PTPRG: variants seen among roughly 807,000 people sequenced by gnomAD.
PTPRG encodes protein tyrosine phosphatase receptor type G, also known as receptor-type tyrosine-protein phosphatase gamma.
Under a neutral mutation model 165.3 loss-of-function variants are expected in PTPRG, and 102 were observed. The observed-to-expected ratio is 0.62, with a 90% CI of 0.53 to 0.73. The LOEUF (loss-of-function observed/expected upper bound fraction) is 0.73, where lower values mean the gene tolerates loss of function less well. PTPRG is among the 30% of genes least tolerant of loss of function. The pLI is 0.00. For missense variants in PTPRG, 1,866 were observed against 1,861.4 expected, an observed-to-expected ratio of 1.00 and a Z score of -0.05; for synonymous variants, 675 against 669.5, an observed-to-expected ratio of 1.01 and a Z score of -0.13.
chr3:62,001,671 AATG>A (rs1315535832), intron 3 of PTPRG, among the ~76,000 whole-genome samples: 1 of 152,084 alleles, frequency 6.6e-6, no homozygotes, highest in Non-Finnish European at 1.5e-5. Flanking sequence ...AGGGTCACAC[AATG>A]ATAAGTTTCC....
intron 6 of PTPRG, among the ~76,000 whole-genome samples, chr3:62,138,740 A>AGACGAAATAC (rs1195153400): frequency 1.3e-5 from 2 of 151,190 alleles, no homozygotes; most frequent in African/African-American, 4.9e-5. Context: ...AAAAAAAGAA[A>AGACGAAATAC]GACGAAATAC....
chr3:62,246,987 A>T (rs1308473831), intron 15 of PTPRG, among the ~76,000 whole-genome samples: 1 of 152,172 alleles, frequency 6.6e-6, no homozygotes, highest in East Asian at 1.9e-4. Flanking sequence ...AAATTCTGGT[A>T]CCAAGCTGTT....
intron 4 of PTPRG, among the ~76,000 whole-genome samples, chr3:62,040,796 C>T (rs1700102432): frequency 6.6e-6 from 1 of 152,174 alleles, no homozygotes; most frequent in South Asian, 2.1e-4. Context: ...CTTGTCAGAG[C>T]CTGGTCAGGG....
intron 6 of PTPRG, among the ~76,000 whole-genome samples, chr3:62,138,896 G>A (rs9861757): frequency 0.014 from 2,061 of 152,210 alleles, 51 homozygotes; most frequent in African/African-American, 0.047. Context: ...GCTCACTCCA[G>A]GAAAATCCAG....
chr3:61,989,065 G>C (rs745788924), intron 2 of PTPRG, among the ~76,000 whole-genome samples: 32 of 152,210 alleles, frequency 2.1e-4, no homozygotes, highest in Non-Finnish European at 4.0e-4. Context: ...TAACACTCAA[G>C]TGTACAAATG....
intron 4 of PTPRG, among the ~76,000 whole-genome samples, chr3:62,067,675 G>A (rs1183819447): frequency 6.6e-6 from 1 of 152,158 alleles, no homozygotes; most frequent in East Asian, 1.9e-4. Context: ...CTCATTAGGA[G>A]CGTGCAACCT....
intron 5 of PTPRG, among the ~76,000 whole-genome samples, chr3:62,108,332 A>G (rs1022982615): frequency 6.6e-6 from 1 of 152,112 alleles, no homozygotes; most frequent in Middle Eastern, 3.2e-3. Flanking sequence ...GCTGAGAATG[A>G]TGGTTTCCAG....
intron 4 of PTPRG, among the ~76,000 whole-genome samples, chr3:62,028,517 G>A (rs1177749827): frequency 2.6e-5 from 4 of 152,136 alleles, no homozygotes; most frequent in African/African-American, 4.8e-5. Context: ...TTTCATTTCC[G>A]TATATCCACA....
rs183215763 is a variant in PTPRG at position 61,967,222 on chromosome 3, T to C, written c.191-22403T>C. ...CCTATTGCAGTTATCACAGGCCTTA[T>C]CTTTGTCCGCACATCTGGTTGGGAG... On this transcript the variant is annotated intron_variant, in intron 2 of 29. Coordinates refer to ENST00000474889, the MANE Select transcript of PTPRG (RefSeq NM_002841.4). 5.7e-4 allele frequency among the ~76,000 whole-genome samples: 87 copies of C among 152,324 alleles called. 1 individual carries two copies. The highest frequency in any genetic ancestry group is 5.6e-3 in the Admixed American group (86 of 15,302).
intron 4 of PTPRG, among the ~76,000 whole-genome samples, chr3:62,055,018 G>A (rs549574897): frequency 1.8e-4 from 27 of 152,302 alleles, no homozygotes; most frequent in Admixed American, 3.9e-4. Flanking sequence ...TTTGAATCTT[G>A]AAAGATGATG....
chr3:62,110,089 CTTTTTTT>C (rs371457716), intron 5 of PTPRG, among the ~76,000 whole-genome samples: 9,889 of 80,338 alleles, frequency 0.12, 369 homozygotes, highest in Middle Eastern at 0.23. Context: ...GAAATAATGG[CTTTTTTT>C]TTTTTTTTTT....
At chr3:61,967,812 G>C (rs1435252716) in intron 2 of PTPRG, among the ~76,000 whole-genome samples, 2 of 152,164 alleles carry the variant, frequency 1.3e-5, no homozygotes, top group African/African-American at 4.8e-5. Context: ...AAAGTGAATG[G>C]ATGTTTTTAA....
At chr3:61,958,145 G>C (rs1247956474) in intron 2 of PTPRG, among the ~76,000 whole-genome samples, 2 of 147,984 alleles carry the variant, frequency 1.4e-5, no homozygotes. Context: ...CCTTTTTTTT[G>C]AGACAGACTC....
chr3:61,826,502 T>C (rs2036117604), intron 2 of PTPRG, among the ~76,000 whole-genome samples: 1 of 149,570 alleles, frequency 6.7e-6, no homozygotes, highest in African/African-American at 2.4e-5. Context: ...AGTCCTTTCT[T>C]CCACATCTTC....
At chr3:61,576,661 C>T (rs555681155) in intron 1 of PTPRG, among the ~76,000 whole-genome samples, 3 of 152,172 alleles carry the variant, frequency 2.0e-5, no homozygotes, top group Non-Finnish European at 2.9e-5. Context: ...AACCAACCTT[C>T]GAAAATAGCA....
intron 2 of PTPRG, among the ~76,000 whole-genome samples, chr3:61,774,582 C>T (rs555903138): frequency 4.6e-5 from 7 of 152,312 alleles, no homozygotes; most frequent in African/African-American, 1.7e-4. Flanking sequence ...CAAGTCTGTT[C>T]CAGTTTGTTT....
At chr3:62,186,441 G>A (rs889364982) in intron 8 of PTPRG, among the ~76,000 whole-genome samples, 1 of 152,148 alleles carries the variant, frequency 6.6e-6, no homozygotes, top group African/African-American at 2.4e-5. Flanking sequence ...AGGTGGGTAG[G>A]TGGTGAGGAC....
intron 3 of PTPRG, among the ~76,000 whole-genome samples, chr3:62,000,307 A>G (rs1288433804): frequency 6.7e-6 from 1 of 149,676 alleles, no homozygotes; most frequent in Admixed American, 6.7e-5. Context: ...AAAAGTCCTT[A>G]CCAATTTGAT....
At position 61,566,983 on chromosome 3, in the gene PTPRG, TGGTCACATTCCATAACCC is replaced by T. The variant is rs1699929059; in HGVS notation, c.85+4614_85+4631del. Among the ~76,000 whole-genome samples the T allele has an allele frequency of 2.6e-5, 4 of 152,228 alleles. No homozygotes were observed. The South Asian group carries it at 8.3e-4, about 32-fold the overall frequency. ...CTGTCATCCTGGGTTACATTTCATGTGGTCACATTCCATAACCCGGAGCTTATGGGAAAAATTTAGGGC... is the reference window on the plus strand; with the variant it reads ...CTGTCATCCTGGGTTACATTTCATGTGGAGCTTATGGGAAAAATTTAGGGC... On this transcript the variant is annotated intron_variant, in intron 1 of 29. Transcript: ENST00000474889.
Sources: allele counts gnomAD v4.1 joint callset (sites outside exome capture counted in the v4.1 genomes callset), GRCh38; gene constraint gnomAD v4.1.1; transcripts MANE v1.5; gene names NCBI Gene and HGNC (gene_info 2026-07-23, HGNC 2026-07-21).